LRRC7: variants seen among roughly 807,000 people sequenced by gnomAD.
The protein encoded by LRRC7 is leucine rich repeat containing 7, also known as leucine-rich repeat-containing protein 7.
In LRRC7, 23 loss-of-function variants were observed where a neutral mutation model predicts 175.7. That is an observed-to-expected ratio of 0.13 (90% CI 0.09 to 0.19). LRRC7 has a LOEUF of 0.19. Ranked by LOEUF, LRRC7 falls within the 10% of genes least tolerant of loss-of-function variation. LRRC7 has a pLI of 1.00. For synonymous variants in LRRC7, 685 were observed against 680.9 expected (o/e 1.01, Z -0.09); for missense variants, 1,354 against 1,904.7 (o/e 0.71, Z 5.38).
rs1271115951 is a variant in LRRC7 at position 70,136,649 on chromosome 1, G to A, written c.*14762G>A. Among the ~76,000 whole-genome samples, 1 of 147,552 alleles carries A rather than the reference G, an allele frequency of 6.8e-6. No individual in the cohort carries two copies. The highest frequency in any genetic ancestry group is 1.5e-5 in the Non-Finnish European group (1 of 67,034). Reference sequence around the variant, plus strand: ...GTACAAAATATGAGGAAAGAACACTGTATTGTCACCTTCTCTCACAGTTTA... The same window carrying A: ...GTACAAAATATGAGGAAAGAACACTATATTGTCACCTTCTCTCACAGTTTA... On this transcript the variant is annotated 3_prime_UTR_variant, in exon 27 of 27. Transcript: ENST00000651989.
At chr1:69,715,916 A>G (rs1207032107) in intron 2 of LRRC7, among the ~76,000 whole-genome samples, 2 of 152,002 alleles carry the variant, frequency 1.3e-5, no homozygotes, top group Non-Finnish European at 2.9e-5. Flanking sequence ...AATGTTGGAC[A>G]ACAGTATCAT....
chr1:69,700,742 T>C (rs1253474914), intron 2 of LRRC7, among the ~76,000 whole-genome samples: 1 of 152,158 alleles, frequency 6.6e-6, no homozygotes. Context: ...TTATAGGAGT[T>C]TGTGTTTATT....
At chr1:69,814,697 G>A (rs1678376367) in intron 4 of LRRC7, among the ~76,000 whole-genome samples, 1 of 152,040 alleles carries the variant, frequency 6.6e-6, no homozygotes, top group Non-Finnish European at 1.5e-5. Context: ...GTGAAGATAT[G>A]CTCAAAGAAC....
chr1:69,828,242 A>C (rs1181525698), intron 5 of LRRC7, among the ~76,000 whole-genome samples: 1 of 152,130 alleles, frequency 6.6e-6, no homozygotes, highest in African/African-American at 2.4e-5. Flanking sequence ...CAAACTATGC[A>C]CAAGTGTTTG....
chr1:69,909,590 A>G (rs1378830271), intron 7 of LRRC7, among the ~76,000 whole-genome samples: 1 of 152,178 alleles, frequency 6.6e-6, no homozygotes, highest in African/African-American at 2.4e-5. Flanking sequence ...AACATGTTTA[A>G]TATTGGCCCC....
intron 1 of LRRC7, among the ~76,000 whole-genome samples, chr1:69,605,993 T>C (rs992929974): frequency 6.6e-6 from 1 of 152,180 alleles, no homozygotes; most frequent in African/African-American, 2.4e-5. Context: ...AAAGTCACTT[T>C]TTTATCTTTC....
At chr1:69,846,118 A>G (rs1570294084) in intron 7 of LRRC7, among the ~76,000 whole-genome samples, 1 of 152,138 alleles carries the variant, frequency 6.6e-6, no homozygotes, top group African/African-American at 2.4e-5. Flanking sequence ...TAATTATGAC[A>G]TTCTATATTT....
At chr1:69,935,068 T>C (rs1338200033) in intron 8 of LRRC7, among the ~76,000 whole-genome samples, 1 of 152,076 alleles carries the variant, frequency 6.6e-6, no homozygotes. Flanking sequence ...AGTCTATATG[T>C]GGTTTAGAGT....
intron 2 of LRRC7, among the ~76,000 whole-genome samples, chr1:69,687,396 G>C (rs61783981): frequency 0.059 from 8,914 of 151,734 alleles, 313 homozygotes; most frequent in African/African-American, 0.08. Flanking sequence ...TGTAGTCCCA[G>C]CTACTCAGGA....
intron 1 of LRRC7, among the ~76,000 whole-genome samples, chr1:69,615,897 C>A (rs1049726396): frequency 5.9e-4 from 90 of 152,124 alleles, no homozygotes; most frequent in African/African-American, 2.1e-3. Context: ...CTAAACCCCC[C>A]ACTTACGCCC....
chr1:69,924,401 G>C (rs977241164), intron 7 of LRRC7, among the ~76,000 whole-genome samples: 12 of 152,088 alleles, frequency 7.9e-5, no homozygotes, highest in South Asian at 2.1e-4. Context: ...GGCAGTATGG[G>C]CATTTTTACG....
At position 69,678,425 on chromosome 1, in the gene LRRC7, G is replaced by A. The variant is rs1238506791; in HGVS notation, c.47G>A (p.Arg16Lys). ...GGAAGGAATCCCCCGCAATACCAGA[G>A]AAGTCCTTGTAAAGAGGTTCGTGCA... The part of the protein sequence containing the change: ...IRGRNPPQYQ[R>K]SPCKEVRAAL... Residue 16 changes from arginine to lysine, a missense_variant, in exon 2 of 27, where the codon AGA becomes AAA. By Grantham distance (26) the Arg-to-Lys change is conservative. Transcript: ENST00000651989. The A allele has an allele frequency of 3.1e-6, 5 of 1,605,656 alleles. No individual in the cohort carries two copies. In the African/African-American group the frequency reaches 4.0e-5, roughly 13 times the overall value.
At chr1:69,969,203 C>G (rs1030248689) in intron 8 of LRRC7, among the ~76,000 whole-genome samples, 1 of 151,974 alleles carries the variant, frequency 6.6e-6, no homozygotes, top group Non-Finnish European at 1.5e-5. Flanking sequence ...ACCTATAAAA[C>G]AAAAATACAA....
At position 70,036,328 on chromosome 1, in the gene LRRC7, T is replaced by A. The variant is rs1215397272; in HGVS notation, c.2107+96T>A. The A allele has an allele frequency of 2.9e-6, 4 of 1,389,098 alleles. No homozygotes were observed. In the African/African-American group the frequency reaches 5.8e-5, roughly 20 times the overall value. The allele number at this position is 1,389,098 out of a possible 1,614,324, so 86.0% of individuals were successfully genotyped here. A position where few individuals can be genotyped will look rare whatever the true frequency, so the allele number is the denominator to read the frequency against. On this transcript the variant is annotated intron_variant, in intron 19 of 26. Transcript: ENST00000651989. Reference sequence around the variant, plus strand: ...TATGATACACCATATTCTATACAAATGTTTTACAAATATGCATTTCTAACC... The same window carrying A: ...TATGATACACCATATTCTATACAAAAGTTTTACAAATATGCATTTCTAACC...
intron 4 of LRRC7, among the ~76,000 whole-genome samples, chr1:69,806,043 G>T (rs575999661): frequency 8.2e-4 from 125 of 151,856 alleles, no homozygotes; most frequent in South Asian, 5.8e-3. Flanking sequence ...ACTTAAATGG[G>T]CAATGAAGCA....
intron 25 of LRRC7, among the ~76,000 whole-genome samples, chr1:70,100,426 A>G (rs1664727542): frequency 6.6e-6 from 1 of 152,076 alleles, no homozygotes; most frequent in Non-Finnish European, 1.5e-5. Context: ...ATGTGTATTT[A>G]TTTTGCTAGA....
At chr1:69,853,557 G>A (rs1683255537) in intron 7 of LRRC7, among the ~76,000 whole-genome samples, 1 of 152,096 alleles carries the variant, frequency 6.6e-6, no homozygotes, top group African/African-American at 2.4e-5. Context: ...GATTACAGGT[G>A]TGAGCCACCG....
chr1:69,693,162 C>A (rs1304146324), intron 2 of LRRC7, among the ~76,000 whole-genome samples: 1 of 152,134 alleles, frequency 6.6e-6, no homozygotes, highest in Admixed American at 6.5e-5. Context: ...ATTGGTTGAA[C>A]CAATTCCTTG....
intron 3 of LRRC7, among the ~76,000 whole-genome samples, chr1:69,779,738 T>C (rs1673264481): frequency 6.6e-6 from 1 of 152,242 alleles, no homozygotes; most frequent in Admixed American, 6.5e-5. Context: ...TAGGTATCTA[T>C]TGTAGTCACA....
Sources: gnomAD v4.1 joint callset for allele counts (sites outside exome capture counted in the v4.1 genomes callset) on GRCh38, gnomAD v4.1.1 for gene constraint, MANE v1.5 for transcripts, NCBI Gene and HGNC (gene_info 2026-07-23, HGNC 2026-07-21) for gene names.